The following RBFOX1 variants were observed in gnomAD, a reference collection of about 807,000 sequenced individuals.
RBFOX1 encodes the protein RNA binding fox-1 homolog 1.
RBFOX1 carries 8 observed loss-of-function variants against 57.7 expected under a neutral mutation model. The observed-to-expected ratio is 0.14, with a 90% confidence interval of 0.08 to 0.25. The LOEUF (loss-of-function observed/expected upper bound fraction) is 0.25, where lower values mean the gene tolerates loss of function less well. RBFOX1 is among the 10% of genes least tolerant of loss of function. RBFOX1 has a pLI of 1.00. For synonymous variants in RBFOX1, 326 were observed against 222.4 expected (o/e 1.47, Z -4.15); for missense variants, 611 against 548.5 (o/e 1.11, Z -1.14).
chr16:6,159,342 G>C (rs984190191), intron 1 of RBFOX1, among the ~76,000 whole-genome samples: 2 of 152,190 alleles, frequency 1.3e-5, no homozygotes, highest in African/African-American at 4.8e-5. Context: ...CTCCCAAAGT[G>C]CTGGGATTAC....
intron 3 of RBFOX1, among the ~76,000 whole-genome samples, chr16:6,673,169 C>G (rs1277592686): frequency 6.6e-6 from 1 of 152,194 alleles, no homozygotes; most frequent in African/African-American, 2.4e-5. Context: ...TTCCCAGGCT[C>G]ATCATTTTAT....
chr16:5,425,024 C>T, intron 1 of RBFOX1, among the ~76,000 whole-genome samples: 1 of 119,426 alleles, frequency 8.4e-6, no homozygotes, highest in African/African-American at 3.1e-5. Context: ...TTTCTTGATT[C>T]CTCCCTCCCT....
chr16:6,125,978 A>C (rs1427076399), intron 1 of RBFOX1, among the ~76,000 whole-genome samples: 4 of 152,190 alleles, frequency 2.6e-5, no homozygotes, highest in Admixed American at 6.5e-5. Flanking sequence ...AGTCTTCCAT[A>C]ATAATTGCTT....
intron 1 of RBFOX1, among the ~76,000 whole-genome samples, chr16:6,118,559 C>T (rs9936443): frequency 6.6e-6 from 1 of 151,868 alleles, no homozygotes. Context: ...TGTTCTCTTC[C>T]TTTCTCTTTC....
intron 1 of RBFOX1, among the ~76,000 whole-genome samples, chr16:5,285,665 C>G (rs1377693100): frequency 2.6e-5 from 4 of 152,146 alleles, no homozygotes; most frequent in Non-Finnish European, 5.9e-5. Flanking sequence ...CACACTTTGG[C>G]TTTGATTCTG....
chr16:5,623,683 C>T (rs2048265121), intron 3 of RBFOX1, among the ~76,000 whole-genome samples: 1 of 152,112 alleles, frequency 6.6e-6, no homozygotes, highest in Non-Finnish European at 1.5e-5. Flanking sequence ...CTTCTCCCTA[C>T]CTCCTTCCCT....
In RBFOX1 at chr16:7,312,563, G is replaced by T. The variant is rs1277970250; in HGVS notation, c.28-205584G>T. On this transcript the variant is annotated intron_variant, in intron 4 of 15. Transcript: ENST00000550418. ...CTTGGGTGTCACTCCGGGTCTTCTT[G>T]GTTCCACTACCCTGTTTGGGAGCTC... is the stretch of plus-strand genomic sequence containing the variant. Among the ~76,000 whole-genome samples the T allele has an allele frequency of 3.9e-5, 6 of 152,262 alleles. No homozygotes were observed. In the East Asian group the frequency reaches 1.2e-3, roughly 29 times the overall value.
intron 3 of RBFOX1, among the ~76,000 whole-genome samples, chr16:7,035,616 A>C (rs1430230281): frequency 1.3e-5 from 2 of 151,982 alleles, no homozygotes; most frequent in African/African-American, 4.8e-5. Flanking sequence ...TTATTATTTT[A>C]AATCTGAAGA....
At chr16:6,268,574 C>A (rs1298869913) in intron 1 of RBFOX1, among the ~76,000 whole-genome samples, 1 of 152,134 alleles carries the variant, frequency 6.6e-6, no homozygotes, top group Non-Finnish European at 1.5e-5. Context: ...CTCTAGTAAA[C>A]CCTACTGTGA....
intron 2 of RBFOX1, among the ~76,000 whole-genome samples, chr16:6,351,372 A>ATTTTTT (rs761394862): frequency 4.3e-4 from 37 of 86,402 alleles, no homozygotes; most frequent in South Asian, 6.4e-4. Flanking sequence ...ATATATATAT[A>ATTTTTT]TTTTTTTTTT....
intron 3 of RBFOX1, among the ~76,000 whole-genome samples, chr16:6,800,486 C>A (rs1187506464): frequency 6.6e-6 from 1 of 152,142 alleles, no homozygotes; most frequent in Non-Finnish European, 1.5e-5. Flanking sequence ...GGGGTCGGAG[C>A]ATCTGCATTT....
chr16:5,708,714 G>A (rs983506195), intron 3 of RBFOX1, among the ~76,000 whole-genome samples: 6 of 152,140 alleles, frequency 3.9e-5, no homozygotes, highest in African/African-American at 1.4e-4. Context: ...GGTATATCTG[G>A]CACCGGCTTG....
intron 3 of RBFOX1, among the ~76,000 whole-genome samples, chr16:6,768,819 GC>G (rs1356708330): frequency 6.6e-6 from 1 of 150,590 alleles, no homozygotes; most frequent in Non-Finnish European, 1.5e-5. Context: ...ACCTCTGTCT[GC>G]AGGTTTCAAG....
intron 1 of RBFOX1, among the ~76,000 whole-genome samples, chr16:6,215,594 A>T (rs1402794657): frequency 1.3e-5 from 2 of 152,012 alleles, no homozygotes; most frequent in Non-Finnish European, 2.9e-5. Context: ...AGAACATTGC[A>T]TTCCTTTCTT....
intron 2 of RBFOX1, among the ~76,000 whole-genome samples, chr16:5,497,038 T>A (rs866035867): frequency 3.3e-4 from 51 of 152,254 alleles, no homozygotes; most frequent in Admixed American, 7.2e-4. Context: ...AAATTGAATT[T>A]TTTTTACTTT....
At chr16:7,708,995 G>T (rs1210485678) in intron 14 of RBFOX1, 61 bp from the exon 15 acceptor site, 19 of 1,495,536 alleles carry the variant, frequency 1.3e-5, no homozygotes, top group African/African-American at 2.8e-5. Flanking sequence ...TGGATTTTAT[G>T]ATTGTTATTG....
intron 3 of RBFOX1, among the ~76,000 whole-genome samples, chr16:5,626,825 C>T (rs2048363386): frequency 1.3e-5 from 2 of 151,740 alleles, no homozygotes; most frequent in Admixed American, 6.6e-5. Flanking sequence ...CTTCTGAGCA[C>T]ATTTGAGCAA....
intron 10 of RBFOX1, among the ~76,000 whole-genome samples, chr16:7,613,992 G>A (rs1403921371): frequency 1.3e-5 from 2 of 152,170 alleles, no homozygotes; most frequent in African/African-American, 4.8e-5. Context: ...AGAGCACAGT[G>A]TGGGTTTACA....
At chr16:7,063,139 C>T (rs1291233361) in intron 4 of RBFOX1, among the ~76,000 whole-genome samples, 1 of 151,874 alleles carries the variant, frequency 6.6e-6, no homozygotes, top group Non-Finnish European at 1.5e-5. Context: ...GAGAAAGGAG[C>T]TCTTGGTTTA....
Sources: gnomAD v4.1 joint callset for allele counts (sites outside exome capture counted in the v4.1 genomes callset) on GRCh38, gnomAD v4.1.1 for gene constraint, MANE v1.5 for transcripts, NCBI Gene and HGNC (gene_info 2026-07-23, HGNC 2026-07-21) for gene names.